NUDCD1: variants seen among roughly 807,000 people sequenced by gnomAD.
NUDCD1 encodes nudC domain-containing protein 1.
A neutral mutation model predicts 67.8 loss-of-function variants in NUDCD1; 60 were observed. The observed-to-expected ratio is 0.88, with a 90% CI of 0.72 to 1.10. NUDCD1 has a LOEUF of 1.10. Among genes scored for constraint, NUDCD1 ranks in the 50% least tolerant of loss-of-function variants. The probability of loss-of-function intolerance (pLI) is 0.00; values close to 1 mark genes in which losing one functional copy is unlikely to be tolerated. For synonymous variants in NUDCD1, 244 were observed against 230.8 expected (o/e 1.06, Z -0.52); for missense variants, 643 against 695.0 (o/e 0.93, Z 0.84).
intron 2 of NUDCD1, among the ~76,000 whole-genome samples, chr8:109,315,049 A>G (rs2130110985): frequency 6.6e-6 from 1 of 152,292 alleles, no homozygotes; most frequent in East Asian, 1.9e-4. Flanking sequence ...AAAGGCAGTG[A>G]TCTTTTTCTG....
At chr8:109,329,653 G>A (rs1815758454) in intron 1 of NUDCD1, among the ~76,000 whole-genome samples, 1 of 152,172 alleles carries the variant, frequency 6.6e-6, no homozygotes, top group African/African-American at 2.4e-5. Flanking sequence ...GGGAATGATA[G>A]CTAAGTTTAG....
intron 2 of NUDCD1, among the ~76,000 whole-genome samples, chr8:109,318,182 G>A (rs552242103): frequency 1.4e-4 from 22 of 152,160 alleles, no homozygotes; most frequent in African/African-American, 5.3e-4. Flanking sequence ...CTAACAACAC[G>A]TATTAGAGCT....
intron 2 of NUDCD1, among the ~76,000 whole-genome samples, chr8:109,301,918 G>C (rs1815000177): frequency 6.6e-6 from 1 of 152,154 alleles, no homozygotes; most frequent in African/African-American, 2.4e-5. Context: ...GCCTGCCTTG[G>C]TCATTCACCA....
At chr8:109,329,889 A>G (rs1324096943) in intron 1 of NUDCD1, 3 of 1,544,794 alleles carry the variant, frequency 1.9e-6, no homozygotes, top group Admixed American at 2.0e-5. Context: ...CTTAGCAAAG[A>G]AAACATACTG....
chr8:109,324,800 C>T (rs530116772), intron 1 of NUDCD1, among the ~76,000 whole-genome samples: 27 of 152,238 alleles, frequency 1.8e-4, no homozygotes, highest in African/African-American at 3.4e-4. Context: ...ATAAACCAGG[C>T]ACAAGGCCGG....
intron 2 of NUDCD1, among the ~76,000 whole-genome samples, chr8:109,306,753 T>C (rs1354730076): frequency 6.6e-6 from 1 of 151,940 alleles, no homozygotes; most frequent in Non-Finnish European, 1.5e-5. Context: ...TTTCATTTAG[T>C]TTCTCAATTC....
At chr8:109,331,515 C>CA (rs59203626) in intron 1 of NUDCD1, among the ~76,000 whole-genome samples, 7,415 of 64,882 alleles carry the variant, frequency 0.11, 438 homozygotes, top group South Asian at 0.2. Context: ...GACTCAGACT[C>CA]AAAAAAAAAA....
intron 2 of NUDCD1, among the ~76,000 whole-genome samples, chr8:109,312,287 C>T (rs796176840): frequency 2.3e-4 from 25 of 110,268 alleles, no homozygotes; most frequent in African/African-American, 8.0e-4. Flanking sequence ...GGCAACAGAG[C>T]GAGACACTGT....
At chr8:109,288,557 A>G (rs1023934585) in intron 5 of NUDCD1, among the ~76,000 whole-genome samples, 3 of 152,196 alleles carry the variant, frequency 2.0e-5, no homozygotes, top group African/African-American at 4.8e-5. Context: ...ACTAAGCACA[A>G]CTTTTTGTAT....
chr8:109,268,893 CTAA>C (rs1814073837), intron 8 of NUDCD1, among the ~76,000 whole-genome samples: 1 of 152,080 alleles, frequency 6.6e-6, no homozygotes, highest in Non-Finnish European at 1.5e-5. Context: ...TATGTCAAAA[CTAA>C]ACAACATCTA....
intron 8 of NUDCD1, among the ~76,000 whole-genome samples, chr8:109,261,168 A>G (rs1381920212): frequency 3.9e-5 from 6 of 152,186 alleles, no homozygotes; most frequent in Non-Finnish European, 7.4e-5. Flanking sequence ...AGCCTATATG[A>G]CAGCATGCAA....
chr8:109,279,794 G>C (rs1814388229), intron 6 of NUDCD1, among the ~76,000 whole-genome samples: 1 of 152,082 alleles, frequency 6.6e-6, no homozygotes, highest in African/African-American at 2.4e-5. Context: ...ACCACGCCCA[G>C]CTAATTTTTG....
chr8:109,334,050 T>C lies in NUDCD1; in HGVS notation c.-40A>G. On this transcript the variant is annotated 5_prime_UTR_variant, in exon 1 of 10. Transcript: ENST00000239690. ...GCAGCGTGAGAATTAATAAAGCCCT[T>C]GTTGAAAGGTCCGCGCTTCACGCCT... is the stretch of plus-strand genomic sequence containing the variant. 1 of 1,612,736 alleles carries C rather than the reference T, an allele frequency of 6.2e-7. No homozygotes were observed. Among genetic ancestry groups the C allele is most frequent in the African/African-American group, 1.3e-5 (1 of 74,964 alleles).
intron 5 of NUDCD1, among the ~76,000 whole-genome samples, chr8:109,282,089 G>GTAGAT (rs944145851): frequency 2.0e-5 from 3 of 152,126 alleles, no homozygotes; most frequent in Non-Finnish European, 4.4e-5. Flanking sequence ...TGGCTGCCAG[G>GTAGAT]TAGATTCTCC....
intron 5 of NUDCD1, among the ~76,000 whole-genome samples, chr8:109,285,378 A>G (rs556244665): frequency 6.6e-6 from 1 of 152,288 alleles, no homozygotes; most frequent in Admixed American, 6.5e-5. Context: ...CTACAGGCCA[A>G]TATCCCCGAT....
rs373880372 is a variant in NUDCD1 at position 109,333,009 on chromosome 8, T to C, written c.118+884A>G. ...ATCTGTTTACAATTTTCTTCCTAAC[T>C]AGCTAATAGTCCTCTTTTGTTACGG... is the stretch of plus-strand genomic sequence containing the variant. On this transcript the variant is annotated intron_variant, in intron 1 of 9. Transcript: ENST00000239690. Among the ~76,000 whole-genome samples the C allele has an allele frequency of 1.1e-4, 16 of 152,336 alleles. No individual in the cohort carries two copies. In the East Asian group the frequency reaches 2.7e-3, roughly 26 times the overall value.
At chr8:109,258,261 C>T (rs1813784224) in intron 8 of NUDCD1, among the ~76,000 whole-genome samples, 1 of 152,054 alleles carries the variant, frequency 6.6e-6, no homozygotes, top group Non-Finnish European at 1.5e-5. Flanking sequence ...GACCCAGTGC[C>T]ATTTGTTGAA....
intron 8 of NUDCD1, among the ~76,000 whole-genome samples, chr8:109,270,110 G>C: frequency 8.2e-6 from 1 of 122,528 alleles, no homozygotes; most frequent in Non-Finnish European, 1.6e-5. Flanking sequence ...TGAAATATAT[G>C]CATATATGGC....
At chr8:109,266,392 ATTTTTTTTTT>A (rs71305931) in intron 8 of NUDCD1, among the ~76,000 whole-genome samples, 3 of 87,508 alleles carry the variant, frequency 3.4e-5, no homozygotes, top group Non-Finnish European at 6.2e-5. Flanking sequence ...TGCCCGGCTA[ATTTTTTTTTT>A]TTTTTTTTTT....
Sources: gnomAD v4.1 joint callset for allele counts (sites outside exome capture counted in the v4.1 genomes callset) on GRCh38, gnomAD v4.1.1 for gene constraint, MANE v1.5 for transcripts, NCBI Gene and HGNC (gene_info 2026-07-23, HGNC 2026-07-21) for gene names.